The following C6orf132 variants were observed in gnomAD, a reference collection of about 807,000 sequenced individuals.
C6orf132 encodes the protein chromosome 6 open reading frame 132, also known as uncharacterized protein C6orf132.
A neutral mutation model predicts 65.3 loss-of-function variants in C6orf132; 43 were observed. The observed-to-expected ratio is 0.66, with a 90% CI of 0.52 to 0.85. C6orf132 has a LOEUF of 0.85. Ranked by LOEUF, C6orf132 falls within the 40% of genes least tolerant of loss-of-function variation. The pLI is 0.00. For synonymous variants in C6orf132, 631 were observed against 654.1 expected (o/e 0.96, Z 0.54); for missense variants, 1,488 against 1,548.8 (o/e 0.96, Z 0.66).
intron 2 of C6orf132, among the ~76,000 whole-genome samples, chr6:42,115,005 C>CAA (rs772119981): frequency 0.13 from 12,891 of 98,954 alleles, 721 homozygotes; most frequent in Middle Eastern, 0.21. Context: ...GACTCTGTCT[C>CAA]AAAAAAAAAA....
chr6:42,104,548 G>A lies in C6orf132; in HGVS notation c.3364C>T (p.Leu1122=). 8.0e-7 allele frequency: 1 copy of A among 1,250,906 alleles called. No homozygotes were observed. The highest frequency in any genetic ancestry group is 1.0e-6 in the Non-Finnish European group (1 of 999,566). 77.5% of individuals were successfully genotyped at this position (1,250,906 alleles called of 1,614,324 possible). A position where few individuals can be genotyped will look rare whatever the true frequency, so the allele number is the denominator to read the frequency against. Residue 1122 remains leucine, a synonymous_variant, in exon 4 of 5, where the codon CTG becomes TTG. Transcript: ENST00000341865. The surrounding 1 kb of genome is among the most constrained non-coding windows in gnomAD (Gnocchi z 4.1). ...GCGGCGCCCCGGGCGGCGCCCTCCA[G>A]GGACAGCCTCGGCGCGTGCAGGCCT... The part of the protein sequence containing the change: ...PGGLHAPRLS[L]EGAARGAAEA...
At position 42,124,654 on chromosome 6, in the gene C6orf132, TTGG is replaced by T. The variant is rs2127477648; in HGVS notation, c.252+4015_252+4017del. Among the ~76,000 whole-genome samples, 1 of 152,304 alleles carries T rather than the reference TTGG, an allele frequency of 6.6e-6. No individual in the cohort carries two copies. The highest frequency in any genetic ancestry group is 1.5e-5 in the Non-Finnish European group (1 of 68,006). On this transcript the variant is annotated intron_variant, in intron 2 of 4. Transcript: ENST00000341865. The surrounding 1 kb of genome is among the most constrained non-coding windows in gnomAD (Gnocchi z 4.0). ...GGCCCAGCTCCCCACCCACCCTGAC[TTGG>T]TGGGGCTGGGGGACGGGGTGTGTGC...
chr6:42,106,955 T>C lies in C6orf132; in HGVS notation c.957A>G (p.Glu319=), dbSNP rs1766420736. The C allele has an allele frequency of 6.5e-7, 1 of 1,536,060 alleles. No individual in the cohort carries two copies. Among genetic ancestry groups the C allele is most frequent in the Non-Finnish European group, 8.7e-7 (1 of 1,146,514 alleles). ...PVRTSSIPVQ[E]AQEAPRKEEG... ...CTTCCTTTCGGGGAGCCTCTTGTGC[T>C]TCCTGAACTGGGATGGACGAAGTCC... Residue 319 remains glutamate, a synonymous_variant, in exon 4 of 5, where the codon GAA becomes GAG. Transcript: ENST00000341865.
chr6:42,104,426 C>T lies in C6orf132; in HGVS notation c.3449+37G>A, dbSNP rs1766350413. 8.1e-7 allele frequency: 1 copy of T among 1,229,716 alleles called. No homozygotes were observed. The highest frequency in any genetic ancestry group is 4.1e-5 in the South Asian group (1 of 24,108). 76.2% of individuals were successfully genotyped at this position (1,229,716 alleles called of 1,614,324 possible). A position where few individuals can be genotyped will look rare whatever the true frequency, so the allele number is the denominator to read the frequency against. On this transcript the variant is annotated intron_variant, in intron 4 of 4. Coordinates refer to ENST00000341865, the MANE Select transcript of C6orf132 (RefSeq NM_001164446.3). The surrounding 1 kb of genome is among the most constrained non-coding windows in gnomAD (Gnocchi z 4.1). ...TTGGCCCTCGCCTGGCTTTCCACCC[C>T]TCCTGGCTTCCCGCACCAGCCGGGC...
At chr6:42,139,773 A>G (rs1358965140) in intron 1 of C6orf132, among the ~76,000 whole-genome samples, 2 of 152,086 alleles carry the variant, frequency 1.3e-5, no homozygotes, top group African/African-American at 2.4e-5. Context: ...TCTTCTTCCA[A>G]TGTGACCCAG....
At chr6:42,126,845 T>A in intron 2 of C6orf132, 1 of 361,994 alleles carries the variant, frequency 2.8e-6, no homozygotes, top group Non-Finnish European at 4.7e-6. Context: ...AAACTCAGTC[T>A]GCAAAAAAAA....
Position 42,102,534 on chromosome 6 carries a change from C to T in C6orf132, c.*1227G>A, listed in dbSNP as rs1766307226. On this transcript the variant is annotated 3_prime_UTR_variant, in exon 5 of 5. Coordinates refer to ENST00000341865, the MANE Select transcript of C6orf132 (RefSeq NM_001164446.3). ...GCCACCATGCCCAGCCAGGTCTCCC[C>T]TGCTCTTAACTGGCCCAATCCTAGC... 6.6e-6 allele frequency: 1 copy of T among 150,964 alleles called. No homozygotes were observed. The allele number at this position is 150,964 out of a possible 1,614,324, so 9.4% of individuals were successfully genotyped here.
chr6:42,128,214 C>T (rs1279178137), intron 2 of C6orf132, among the ~76,000 whole-genome samples: 1 of 151,946 alleles, frequency 6.6e-6, no homozygotes, highest in East Asian at 1.9e-4. Flanking sequence ...CGTGAGCCAC[C>T]GCACTGGCCA....
rs1315093009 is a variant in C6orf132, at chr6:42,105,601, G to T, written c.2311C>A (p.Pro771Thr). ...GGGEVPCLYK[P>T]HCHQSSLSRE... ...CTGAGGCTGCTCTGGTGGCAGTGGGGCTTGTAGAGACATGGCACCTCTCCT... is the reference window on the plus strand; with the variant it reads ...CTGAGGCTGCTCTGGTGGCAGTGGGTCTTGTAGAGACATGGCACCTCTCCT... The change falls in exon 4 of 5, where the codon CCC becomes ACC. Residue 771 changes from proline to threonine, a missense_variant. Physicochemically the swap from Pro to Thr is conservative, Grantham distance 38 (BLOSUM62 -1). Transcript: ENST00000341865. 2 of 1,536,930 alleles carry T rather than the reference G, an allele frequency of 1.3e-6. No individual in the cohort carries two copies. The highest frequency in any genetic ancestry group is 1.7e-6 in the Non-Finnish European group (2 of 1,146,924).
In C6orf132 at chr6:42,104,640, C is replaced by A; in HGVS notation, c.3272G>T (p.Cys1091Phe). 6.9e-7 allele frequency: 1 copy of A among 1,456,240 alleles called. No homozygotes were observed. The highest frequency in any genetic ancestry group is 9.0e-7 in the Non-Finnish European group (1 of 1,113,274). 90.2% of individuals were successfully genotyped at this position (1,456,240 alleles called of 1,614,324 possible). Residue 1091 changes from cysteine (C) to phenylalanine (F), a missense_variant, in exon 4 of 5, where the codon TGC (cysteine) becomes TTC (phenylalanine). Cys to Phe is a radical substitution (Grantham distance 205). Transcript: ENST00000341865. This position sits in a 1 kb window ranked among gnomAD's most constrained non-coding sequence, Gnocchi z 4.1. ...GTGRSLSSPN[C>F]FGPQPGGPEM... The stretch of plus-strand genomic sequence containing the variant: ...GGGGCCTCCGGGCTGCGGCCCGAAG[C>A]AGTTGGGAGAGCTCAGGCTGCGGCC...
intron 1 of C6orf132, among the ~76,000 whole-genome samples, chr6:42,140,085 C>G (rs919653079): frequency 4.6e-5 from 7 of 152,228 alleles, no homozygotes; most frequent in Non-Finnish European, 1.0e-4. Flanking sequence ...GGGAACACCC[C>G]GGAAACACTG....
chr6:42,131,338 G>A (rs4714571), intron 1 of C6orf132, among the ~76,000 whole-genome samples: 1 of 152,064 alleles, frequency 6.6e-6, no homozygotes, highest in Admixed American at 6.6e-5. Context: ...ACCTTTAATG[G>A]TCTGGGCACT....
At position 42,110,167 on chromosome 6, in the gene C6orf132, C is replaced by T. The variant is rs1360760435; in HGVS notation, c.328+49G>A. The stretch of plus-strand genomic sequence containing the variant: ...GATGCTTAGCTTTTGAACTCAGGGC[C>T]CTAGGAGGAAAGAAAGATGGACAAG... On this transcript the variant is annotated intron_variant, in intron 3 of 4. Transcript: ENST00000341865. The T allele has an allele frequency of 2.1e-6, 3 of 1,457,974 alleles. 1 individual carries two copies. In the Admixed American group the frequency reaches 6.2e-5, roughly 30 times the overall value. The allele number at this position is 1,457,974 out of a possible 1,614,324, so 90.3% of individuals were successfully genotyped here.
chr6:42,133,444 T>C (rs928639238), intron 1 of C6orf132, among the ~76,000 whole-genome samples: 4 of 152,124 alleles, frequency 2.6e-5, no homozygotes, highest in African/African-American at 4.8e-5. Context: ...AGAGGCAGCA[T>C]TGGAACATCC....
At chr6:42,125,464 A>G (rs1766749405) in intron 2 of C6orf132, among the ~76,000 whole-genome samples, 1 of 152,156 alleles carries the variant, frequency 6.6e-6, no homozygotes, top group South Asian at 2.1e-4. Flanking sequence ...AGGCCGTGCC[A>G]CTGGATGGGG....
intron 2 of C6orf132, among the ~76,000 whole-genome samples, chr6:42,113,962 AT>A: frequency 6.6e-6 from 1 of 152,230 alleles, no homozygotes; most frequent in East Asian, 1.9e-4. Context: ...GTAATCCTCT[AT>A]TCCAGAAAAG....
At chr6:42,137,321 A>G (rs908993507) in intron 1 of C6orf132, among the ~76,000 whole-genome samples, 3 of 152,114 alleles carry the variant, frequency 2.0e-5, no homozygotes, top group African/African-American at 7.2e-5. Context: ...AGCTTATACA[A>G]TGGGGCGGCG....
chr6:42,125,074 G>C (rs922818321), intron 2 of C6orf132, among the ~76,000 whole-genome samples: 1 of 152,314 alleles, frequency 6.6e-6, no homozygotes, highest in Non-Finnish European at 1.5e-5. Context: ...TGAGCCAAAA[G>C]TGGCAAGAGG....
intron 1 of C6orf132, among the ~76,000 whole-genome samples, chr6:42,132,732 C>T (rs1454687013): frequency 2.6e-5 from 4 of 151,362 alleles, no homozygotes; most frequent in Admixed American, 2.6e-4. Flanking sequence ...CCTGTAATCC[C>T]AGCTACTCAG....
Sources: allele counts gnomAD v4.1 joint callset (sites outside exome capture counted in the v4.1 genomes callset), GRCh38; gene constraint gnomAD v4.1.1; non-coding constraint Gnocchi (gnomAD v3.1); transcripts MANE v1.5; gene names NCBI Gene and HGNC (gene_info 2026-07-23, HGNC 2026-07-21).